Variants in TONSL observed in about 807,000 individuals in gnomAD.
The protein encoded by TONSL is tonsoku like, DNA repair protein, also known as tonsoku-like protein.
A neutral mutation model predicts 147.1 loss-of-function variants in TONSL; 112 were observed. The ratio of observed to expected loss-of-function variants is 0.76; its 90% CI spans 0.65 to 0.89. The LOEUF (loss-of-function observed/expected upper bound fraction) is 0.89, where lower values mean the gene tolerates loss of function less well. Among genes scored for constraint, TONSL ranks in the 40% least tolerant of loss-of-function variants. The probability of loss-of-function intolerance (pLI) is 0.00; values close to 1 mark genes in which losing one functional copy is unlikely to be tolerated. For synonymous variants in TONSL, 868 were observed against 801.5 expected, an observed-to-expected ratio of 1.08 and a Z score of -1.40; for missense variants, 1,883 against 1,864.6, an observed-to-expected ratio of 1.01 and a Z score of -0.18.
Position 144,440,767 on chromosome 8 carries a change from A to G in TONSL, c.1115T>C (p.Val372Ala), listed in dbSNP as rs758895412. 6 of 1,612,786 alleles carry G rather than the reference A, an allele frequency of 3.7e-6. No individual in the cohort carries two copies. The highest frequency in any genetic ancestry group is 5.1e-6 in the Non-Finnish European group (6 of 1,179,982). Residue 372 changes from valine to alanine, a missense_variant, in exon 9 of 26, where the codon GTG becomes GCG. Val to Ala is a moderately conservative substitution (Grantham distance 64, BLOSUM62 0). Coordinates refer to ENST00000409379, the MANE Select transcript of TONSL (RefSeq NM_013432.5). Reference sequence around the variant, plus strand: ...CCTCAGTTCCTCCTCATAGTGGCGCACGGCCCCATGGTGGTCCTTCATGTC... The same window carrying G: ...CCTCAGTTCCTCCTCATAGTGGCGCGCGGCCCCATGGTGGTCCTTCATGTC... Reference protein sequence around the residue: ...LGDMKDHHGAVRHYEEELRLR... With the variant: ...LGDMKDHHGAARHYEEELRLR...
At chr8:144,435,241 C>T in intron 18 of TONSL, 71 bp from the exon 19 acceptor site, 1 of 1,435,646 alleles carries the variant, frequency 7.0e-7, no homozygotes, top group Non-Finnish European at 9.1e-7. Flanking sequence ...CCCGCCATCC[C>T]TGCCCAGGGC....
rs539622862 is a variant in TONSL, at chr8:144,435,975, G to A, written c.2458C>T (p.Pro820Ser). The change falls in exon 17 of 26, where the codon CCC (proline) becomes TCC (serine). Residue 820 changes from proline to serine, a missense_variant. Physicochemically the swap from Pro to Ser is moderately conservative, Grantham distance 74 (BLOSUM62 -1). Coordinates refer to ENST00000409379, the MANE Select transcript of TONSL (RefSeq NM_013432.5). ...PPRGHSKALA[P>S]QAALIPEEEC... The stretch of plus-strand genomic sequence containing the variant: ...TCCTCCGGGATGAGCGCTGCCTGGG[G>A]GGCAAGGGCTTTGCTGTGGCCCCGC... 3.3e-5 allele frequency: 51 copies of A among 1,555,566 alleles called. No individual in the cohort carries two copies. In the Admixed American group the frequency reaches 5.0e-4, roughly 15 times the overall value.
In TONSL at chr8:144,434,949, G is replaced by A. The variant is rs1025293299; in HGVS notation, c.3007-60C>T. 6 of 1,611,264 alleles carry A rather than the reference G, an allele frequency of 3.7e-6. No homozygotes were observed. The African/African-American group carries it at 8.0e-5, about 22-fold the overall frequency. ...CCCCGGCTCACCTCATCATTGCTCT[G>A]CAGCCATGAGCCACCCGGGGGCTCC... On this transcript the variant is annotated intron_variant, in intron 19 of 25. Coordinates refer to ENST00000409379, the MANE Select transcript of TONSL (RefSeq NM_013432.5).
intron 24 of TONSL, 72 bp from the exon 25 acceptor site, chr8:144,430,609 C>T: frequency 6.6e-7 from 1 of 1,514,404 alleles, no homozygotes; most frequent in Non-Finnish European, 8.9e-7. Flanking sequence ...GGAAAGCTGC[C>T]CAGACAAATG....
intron 24 of TONSL, 121 bp from the exon 25 acceptor site, chr8:144,430,658 C>T: frequency 1.6e-6 from 2 of 1,261,690 alleles, no homozygotes; most frequent in Non-Finnish European, 2.2e-6. Context: ...AGGGGCTCTG[C>T]CTCAGCCTGG....
Position 144,435,867 on chromosome 8 carries a change from T to C in TONSL, c.2566A>G (p.Asn856Asp), listed in dbSNP as rs760087621. Residue 856 changes from asparagine (N) to aspartate (D), a missense_variant, in exon 17 of 26, where the codon AAC becomes GAC. Transcript: ENST00000409379. ...RRPRPRGTGD[N>D]RRPSSTSGSD... ...CCAGAGGTACTACTGGGCCTGCGGT[T>C]GTCTCCAGTGCCCCGGGGGCGGGGC... 2 of 1,604,238 alleles carry C rather than the reference T, an allele frequency of 1.2e-6. No individual in the cohort carries two copies. The highest frequency in any genetic ancestry group is 1.1e-5 in the South Asian group (1 of 90,758).
chr8:144,431,616 G>A (rs1342417494), intron 23 of TONSL, among the ~76,000 whole-genome samples: 3 of 147,280 alleles, frequency 2.0e-5, no homozygotes, highest in African/African-American at 7.6e-5. Flanking sequence ...CCGGGTTCAC[G>A]CTGTTCTCCT....
At chr8:144,431,522 GT>G (rs1212407982) in intron 23 of TONSL, among the ~76,000 whole-genome samples, 3 of 147,926 alleles carry the variant, frequency 2.0e-5, no homozygotes, top group African/African-American at 2.5e-5. Flanking sequence ...TTCTTTTTTT[GT>G]TTTTTTTTTG....
In TONSL at chr8:144,440,842, G is replaced by A. The variant is rs752005007; in HGVS notation, c.1040C>T (p.Pro347Leu). 23 of 1,612,732 alleles carry A rather than the reference G, an allele frequency of 1.4e-5. No homozygotes were observed. Among genetic ancestry groups the A allele is most frequent in the African/African-American group, 5.3e-5 (4 of 74,922 alleles). The part of the protein sequence containing the change: ...QLRFAELLDR[P>L]GAERAIIHVS... Reference sequence around the variant, plus strand: ...GTGGATGATGGCCCGCTCAGCACCCGGTCTGTCCAGCAGCTCAGCAAAACG... The same window carrying A: ...GTGGATGATGGCCCGCTCAGCACCCAGTCTGTCCAGCAGCTCAGCAAAACG... The change falls in exon 9 of 26, where the codon CCG (proline) becomes CTG (leucine). Residue 347 changes from proline (P) to leucine (L), a missense_variant. Coordinates refer to ENST00000409379, the MANE Select transcript of TONSL (RefSeq NM_013432.5).
rs1283692428 is a variant in TONSL, at chr8:144,433,676, G to C, written c.3471C>G (p.Pro1157=). 3 of 1,613,018 alleles carry C rather than the reference G, an allele frequency of 1.9e-6. No individual in the cohort carries two copies. Among genetic ancestry groups the C allele is most frequent in the Non-Finnish European group, 2.5e-6 (3 of 1,179,882 alleles). ...QSLASLLHAC[P]LLSTLRLQAC... Reference sequence around the variant, plus strand: ...CCTGCAGGCGCAGGGTGCTGAGTAAGGGGCAGGCGTGCAGGAGGGAGGCCA... The same window carrying C: ...CCTGCAGGCGCAGGGTGCTGAGTAACGGGCAGGCGTGCAGGAGGGAGGCCA... Residue 1157 remains proline, a synonymous_variant, in exon 22 of 26, where the codon CCC becomes CCG. Transcript: ENST00000409379.
chr8:144,437,998 G>A (rs1823544827), intron 13 of TONSL, among the ~76,000 whole-genome samples: 1 of 151,676 alleles, frequency 6.6e-6, no homozygotes, highest in Non-Finnish European at 1.5e-5. Flanking sequence ...CACCTCCTAG[G>A]CTCAAGCAAC....
At position 144,438,479 on chromosome 8, in the gene TONSL, C is replaced by G; in HGVS notation, c.1645G>C (p.Val549Leu). ...EGQLRRVQDL[V>L]RQGHPLNPRD... ...CCCAGAGCGGGGCCCACCTGCCTCA[C>G]AAGGTCCTGGACGCGGCGCAGCTGG... is the stretch of plus-strand genomic sequence containing the variant. Residue 549 changes from valine to leucine, a missense_variant, in exon 13 of 26, where the codon GTG (valine) becomes CTG (leucine). Physicochemically the swap from Val to Leu is conservative, Grantham distance 32. Coordinates refer to ENST00000409379, the MANE Select transcript of TONSL (RefSeq NM_013432.5). 1 of 1,612,704 alleles carries G rather than the reference C, an allele frequency of 6.2e-7. No homozygotes were observed. Among genetic ancestry groups the G allele is most frequent in the Non-Finnish European group, 8.5e-7 (1 of 1,179,834 alleles).
At position 144,439,744 on chromosome 8, in the gene TONSL, C is replaced by T. The variant is rs1272452286; in HGVS notation, c.1480+277G>A. 6.0e-6 allele frequency: 3 copies of T among 500,952 alleles called. No homozygotes were observed. The African/African-American group carries it at 6.1e-5, about 10-fold the overall frequency. 31.0% of individuals were successfully genotyped at this position (500,952 alleles called of 1,614,324 possible). A position where few individuals can be genotyped will look rare whatever the true frequency, so the allele number is the denominator to read the frequency against. On this transcript the variant is annotated intron_variant, in intron 11 of 25. Coordinates refer to ENST00000409379, the MANE Select transcript of TONSL (RefSeq NM_013432.5). ...GCTCTTCAAAGTGCACCGTCTCACC[C>T]CTGGCCCCAGATGGCACGTGCCTCT...
chr8:144,431,252 GA>G, intron 23 of TONSL, 101 bp from the exon 24 acceptor site: 1 of 1,083,318 alleles, frequency 9.2e-7, no homozygotes, highest in East Asian at 2.4e-5. Flanking sequence ...GAAGGGAGCA[GA>G]GTCCCCCATC....
Position 144,429,092 on chromosome 8 carries a change from AGCTTCATTTATTAGGG to A in TONSL, c.*35_*50del, listed in dbSNP as rs1554877869. Reference sequence around the variant, plus strand: ...GCGTGAGCCACCGCGCCCGGCCAGCAGCTTCATTTATTAGGGGCTTCGGTGAGGGTGGGGAAAGGCA... The same window carrying A: ...GCGTGAGCCACCGCGCCCGGCCAGCAGCTTCGGTGAGGGTGGGGAAAGGCA... On this transcript the variant is annotated 3_prime_UTR_variant, in exon 26 of 26. Coordinates refer to ENST00000409379, the MANE Select transcript of TONSL (RefSeq NM_013432.5). The A allele has an allele frequency of 3.4e-6, 5 of 1,467,478 alleles. No individual in the cohort carries two copies. The highest frequency in any genetic ancestry group is 4.5e-6 in the Non-Finnish European group (5 of 1,114,314). 90.9% of individuals were successfully genotyped at this position (1,467,478 alleles called of 1,614,324 possible). A position where few individuals can be genotyped will look rare whatever the true frequency, so the allele number is the denominator to read the frequency against.
chr8:144,436,782 G>T lies in TONSL; in HGVS notation c.1865C>A (p.Ala622Glu). The change falls in exon 15 of 26, where the codon GCG becomes GAG. Residue 622 changes from alanine to glutamate, a missense_variant. By Grantham distance (107) the Ala-to-Glu change is moderately radical. Transcript: ENST00000409379. ...EVAELLLERG[A>E]SVTLRTRKGL... is the part of the protein sequence containing the mutation. ...CTTTCGAGTGCGGAGGGTGACGGACGCCCCCCGTTCAAGCAGCAGCTCAGC... is the reference window on the plus strand; with the variant it reads ...CTTTCGAGTGCGGAGGGTGACGGACTCCCCCCGTTCAAGCAGCAGCTCAGC... 1 of 1,611,068 alleles carries T rather than the reference G, an allele frequency of 6.2e-7. No homozygotes were observed.
chr8:144,429,302 C>A lies in TONSL; in HGVS notation c.3978G>T (p.Leu1326=). The A allele has an allele frequency of 6.7e-7, 1 of 1,491,084 alleles. No homozygotes were observed. 92.4% of individuals were successfully genotyped at this position (1,491,084 alleles called of 1,614,324 possible). A position where few individuals can be genotyped will look rare whatever the true frequency, so the allele number is the denominator to read the frequency against. The change falls in exon 26 of 26, where the codon CTG becomes CTT. Residue 1326 remains leucine (L), a synonymous_variant. Coordinates refer to ENST00000409379, the MANE Select transcript of TONSL (RefSeq NM_013432.5). ...GGAGCTGCGCGGCTATCTTGTCCCA[C>A]AGGCCCAGGCCCAGGGGACCCTGGA... The part of the protein sequence containing the change: ...CAVQGPLGLG[L]WDKIAAQLRE...
Position 144,433,729 on chromosome 8 carries a change from G to A in TONSL, c.3418C>T (p.Pro1140Ser), listed in dbSNP as rs1419821336. The A allele has an allele frequency of 1.3e-6, 2 of 1,599,748 alleles. No individual in the cohort carries two copies. Among genetic ancestry groups the A allele is most frequent in the Admixed American group, 1.7e-5 (1 of 57,376 alleles). The change falls in exon 22 of 26, where the codon CCC (proline) becomes TCC (serine). Residue 1140 changes from proline to serine, a missense_variant. Transcript: ENST00000409379. ...SLEELDLSMNPLGDGCGQSLA... is the reference protein window; with the variant it reads ...SLEELDLSMNSLGDGCGQSLA... ...GACTGGCCACAGCCGTCCCCCAGGG[G>A]GTTCATGCTTAAGTCCAGCTCCTCC...
Position 144,432,279 on chromosome 8 carries a change from T to C in TONSL, c.3735+6A>G. ...AGTATTTTCTGGGTTCTTCCCCACC[T>C]CGTACCTTGGCCAGGTATCGGAATA... is the stretch of plus-strand genomic sequence containing the variant. On this transcript the variant is annotated splice_donor_region_variant and intron_variant, in intron 23 of 25. Transcript: ENST00000409379. The C allele has an allele frequency of 6.2e-7, 1 of 1,613,414 alleles. No individual in the cohort carries two copies. The highest frequency in any genetic ancestry group is 8.5e-7 in the Non-Finnish European group (1 of 1,179,776).
Sources: allele counts gnomAD v4.1 joint callset (sites outside exome capture counted in the v4.1 genomes callset), GRCh38; gene constraint gnomAD v4.1.1; transcripts MANE v1.5; gene names NCBI Gene and HGNC (gene_info 2026-07-23, HGNC 2026-07-21).